SCAPER: variants seen among roughly 807,000 people sequenced by gnomAD.
SCAPER encodes the protein S phase cyclin A-associated protein in the endoplasmic reticulum.
Under a neutral mutation model 182.2 loss-of-function variants are expected in SCAPER, and 98 were observed. That is an observed-to-expected ratio of 0.54 (90% CI 0.46 to 0.64). The LOEUF (loss-of-function observed/expected upper bound fraction) is 0.64. Ranked by LOEUF, SCAPER falls within the 30% of genes least tolerant of loss-of-function variation. The pLI, the probability that SCAPER is intolerant of heterozygous loss-of-function variation, is 0.00. For missense variants in SCAPER, 1,432 were observed against 1,690.0 expected, an observed-to-expected ratio of 0.85 and a Z score of 2.68; for synonymous variants, 605 against 564.6, an observed-to-expected ratio of 1.07 and a Z score of -1.01.
chr15:76,547,913 A>G (rs1209685561), intron 23 of SCAPER, among the ~76,000 whole-genome samples: 1 of 152,116 alleles, frequency 6.6e-6, no homozygotes, highest in East Asian at 1.9e-4. Context: ...GAACTTTTAG[A>G]ATCATTTTGT....
chr15:76,835,101 T>C lies in SCAPER; in HGVS notation c.393+6633A>G, dbSNP rs1039060336. ...TTAAAGTTTCAGAATACAAAATCAA[T>C]ATACAAAAACCAGTAGCATTTCTAT... On this transcript the variant is annotated intron_variant, in intron 5 of 31. Transcript: ENST00000563290. Among the ~76,000 whole-genome samples the C allele has an allele frequency of 1.2e-4, 19 of 152,018 alleles. 1 individual carries two copies. Among genetic ancestry groups the C allele is most frequent in the African/African-American group, 4.1e-4 (17 of 41,484 alleles).
At chr15:76,587,783 A>C (rs2048779085) in intron 22 of SCAPER, among the ~76,000 whole-genome samples, 1 of 152,096 alleles carries the variant, frequency 6.6e-6, no homozygotes, top group African/African-American at 2.4e-5. Context: ...AATATCTGTT[A>C]AGTCCCTTTG....
intron 22 of SCAPER, among the ~76,000 whole-genome samples, chr15:76,617,818 G>C (rs909565999): frequency 2.0e-5 from 3 of 152,194 alleles, no homozygotes; most frequent in Non-Finnish European, 2.9e-5. Context: ...TCCACTTCTT[G>C]ATAGGAGAAA....
chr15:76,807,149 G>A (rs949016591), intron 5 of SCAPER, among the ~76,000 whole-genome samples: 7 of 152,128 alleles, frequency 4.6e-5, no homozygotes, highest in South Asian at 4.1e-4. Flanking sequence ...CTTACCCAAC[G>A]GGAAAGCTTT....
At chr15:76,732,572 C>A (rs905563863) in intron 16 of SCAPER, among the ~76,000 whole-genome samples, 1 of 152,020 alleles carries the variant, frequency 6.6e-6, no homozygotes, top group East Asian at 1.9e-4. Flanking sequence ...CCAAGCGGAC[C>A]GTGGTCTAGC....
Position 76,857,803 on chromosome 15 carries a change from C to T in SCAPER, c.195+6G>A, listed in dbSNP as rs186713111. 4.7e-4 allele frequency: 706 copies of T among 1,513,442 alleles called. 5 individuals are homozygous for T. In the African/African-American group the frequency reaches 9.0e-3, roughly 19 times the overall value. 93.8% of individuals were successfully genotyped at this position (1,513,442 alleles called of 1,614,324 possible). On this transcript the variant is annotated splice_donor_region_variant and intron_variant, in intron 4 of 31. Coordinates refer to ENST00000563290, the MANE Select transcript of SCAPER (RefSeq NM_020843.4). ...TAAATAAGTAAAAAAGTTATAGATG[C>T]TGTACCTGTTTAGTAGTTTTATGAG...
chr15:76,821,493 G>C (rs904378344), intron 5 of SCAPER, among the ~76,000 whole-genome samples: 1 of 152,116 alleles, frequency 6.6e-6, no homozygotes, highest in Non-Finnish European at 1.5e-5. Context: ...ATAGTGGTGC[G>C]TGCCTGTAGT....
intron 22 of SCAPER, among the ~76,000 whole-genome samples, chr15:76,583,456 A>G (rs2145546144): frequency 6.6e-6 from 1 of 152,318 alleles, no homozygotes; most frequent in South Asian, 2.1e-4. Context: ...TGCATAGCAG[A>G]GGAACGAATC....
intron 25 of SCAPER, among the ~76,000 whole-genome samples, chr15:76,444,749 G>A (rs1176170746): frequency 6.6e-6 from 1 of 152,180 alleles, no homozygotes; most frequent in East Asian, 1.9e-4. Context: ...TGACATGAAT[G>A]TTAGATTTCT....
chr15:76,892,132 T>G (rs181471856), intron 1 of SCAPER, among the ~76,000 whole-genome samples: 4 of 152,304 alleles, frequency 2.6e-5, no homozygotes, highest in African/African-American at 9.6e-5. Context: ...TGCAGAAAGC[T>G]GAAAGTGGAC....
chr15:76,857,049 A>G (rs1385306801), intron 4 of SCAPER, among the ~76,000 whole-genome samples: 1 of 152,122 alleles, frequency 6.6e-6, no homozygotes, highest in African/African-American at 2.4e-5. Flanking sequence ...CTACAACCTA[A>G]AGGCATCATT....
rs2151504194 is a variant in SCAPER, at chr15:76,800,332, ATCT to A, written c.524_526del (p.Lys175del). 1 of 1,612,990 alleles carries A rather than the reference ATCT, an allele frequency of 6.2e-7. No homozygotes were observed. The highest frequency in any genetic ancestry group is 8.5e-7 in the Non-Finnish European group (1 of 1,179,254). On this transcript the variant is annotated inframe_deletion, in exon 7 of 32. Coordinates refer to ENST00000563290, the MANE Select transcript of SCAPER (RefSeq NM_020843.4). ...TGGAATCACATGGCGTCCCGGAGAC[ATCT>A]TCTTTACTTCCCATGCCAATGATGT...
rs191848286 is a variant in SCAPER at position 76,848,435 on chromosome 15, G to A, written c.196-6504C>T. Among the ~76,000 whole-genome samples the A allele has an allele frequency of 1.0e-3, 156 of 149,960 alleles. 3 individuals are homozygous for A. The highest frequency in any genetic ancestry group is 3.8e-3 in the African/African-American group (153 of 40,466). ...TGCAAGCTCTGCCTCCCAGGTTCAC[G>A]CCATTCTCCTGCCTCAGCCTCCCAA... On this transcript the variant is annotated intron_variant, in intron 4 of 31. Transcript: ENST00000563290.
At chr15:76,635,377 C>A (rs2053501953) in intron 21 of SCAPER, among the ~76,000 whole-genome samples, 2 of 152,186 alleles carry the variant, frequency 1.3e-5, no homozygotes, top group African/African-American at 4.8e-5. Flanking sequence ...AAAACCCATG[C>A]AGACACAGGG....
intron 23 of SCAPER, among the ~76,000 whole-genome samples, chr15:76,573,014 G>C (rs192120351): frequency 6.6e-6 from 1 of 151,906 alleles, no homozygotes; most frequent in Admixed American, 6.6e-5. Context: ...CTCTACAGCA[G>C]AGAAAAGCAG....
chr15:76,675,007 T>C (rs2057282851), intron 20 of SCAPER, among the ~76,000 whole-genome samples: 1 of 152,142 alleles, frequency 6.6e-6, no homozygotes, highest in African/African-American at 2.4e-5. Flanking sequence ...CATAATGAAA[T>C]GTTACCTGGA....
chr15:76,454,520 A>G (rs1431944447), intron 25 of SCAPER, among the ~76,000 whole-genome samples: 1 of 152,234 alleles, frequency 6.6e-6, no homozygotes, highest in Non-Finnish European at 1.5e-5. Flanking sequence ...TGCTTAAACA[A>G]AGATTTTATT....
chr15:76,762,663 C>T (rs1009504764), intron 14 of SCAPER, among the ~76,000 whole-genome samples: 24 of 152,030 alleles, frequency 1.6e-4, no homozygotes, highest in African/African-American at 5.6e-4. Context: ...CCCACTCTAC[C>T]TTAGTAACAG....
intron 23 of SCAPER, among the ~76,000 whole-genome samples, chr15:76,568,186 C>G (rs1597425616): frequency 9.0e-6 from 1 of 110,548 alleles, no homozygotes; most frequent in Admixed American, 9.2e-5. Context: ...TGTCATGGAT[C>G]AAGCATATAT....
Sources: gnomAD v4.1 joint callset for allele counts (sites outside exome capture counted in the v4.1 genomes callset) on GRCh38, gnomAD v4.1.1 for gene constraint, MANE v1.5 for transcripts, NCBI Gene and HGNC (gene_info 2026-07-23, HGNC 2026-07-21) for gene names.